The following ZNF652 variants were observed in gnomAD, a reference collection of about 807,000 sequenced individuals.
ZNF652 encodes zinc finger protein 652.
In ZNF652, 16 loss-of-function variants were observed where a neutral mutation model predicts 45.2. The ratio of observed to expected loss-of-function variants is 0.35; its 90% CI spans 0.24 to 0.54. The LOEUF is 0.54. Among genes scored for constraint, ZNF652 ranks in the 20% least tolerant of loss-of-function variants. ZNF652 has a pLI of 0.91. For missense variants in ZNF652, 614 were observed against 765.6 expected (o/e 0.80, Z 2.34); for synonymous variants, 250 against 260.6 (o/e 0.96, Z 0.39).
intron 1 of ZNF652, among the ~76,000 whole-genome samples, chr17:49,338,770 A>G (rs2143872671): frequency 6.6e-6 from 1 of 152,328 alleles, no homozygotes; most frequent in Non-Finnish European, 1.5e-5. Context: ...GAGACAGGAT[A>G]AACAGAAAAG....
chr17:49,317,753 T>C lies in ZNF652; in HGVS notation c.-28A>G, dbSNP rs1275554988. 1 of 1,521,374 alleles carries C rather than the reference T, an allele frequency of 6.6e-7. No individual in the cohort carries two copies. Among genetic ancestry groups the C allele is most frequent in the Admixed American group, 2.2e-5 (1 of 45,978 alleles). The allele number at this position is 1,521,374 out of a possible 1,614,324, so 94.2% of individuals were successfully genotyped here. A position where few individuals can be genotyped will look rare whatever the true frequency, so the allele number is the denominator to read the frequency against. On this transcript the variant is annotated 5_prime_UTR_variant, in exon 2 of 6. Coordinates refer to ENST00000430262, the MANE Select transcript of ZNF652 (RefSeq NM_001145365.3). ...GTAAGTGGCCCAATTTATTAAACAG[T>C]TCAGACTATAAAGAAATAGCTTTAA...
In ZNF652 at chr17:49,291,808, A is replaced by C. The variant is rs1337055616; in HGVS notation, c.*6605T>G. 1 of 152,254 alleles carries C rather than the reference A, an allele frequency of 6.6e-6. No individual in the cohort carries two copies. Among genetic ancestry groups the C allele is most frequent in the Non-Finnish European group, 1.5e-5 (1 of 68,044 alleles). The allele number at this position is 152,254 out of a possible 1,614,324, so 9.4% of individuals were successfully genotyped here. ...GAAACATCATGGCAAATCAAGTGAA[A>C]GGTAATTAACACAACAAGAAACCCG... On this transcript the variant is annotated 3_prime_UTR_variant, in exon 6 of 6. Coordinates refer to ENST00000430262, the MANE Select transcript of ZNF652 (RefSeq NM_001145365.3).
chr17:49,339,197 A>ATTTTTTTTTTTTTTTTTTTTTTTTTTTTT (rs34574898), intron 1 of ZNF652, among the ~76,000 whole-genome samples: 2 of 119,538 alleles, frequency 1.7e-5, no homozygotes, highest in Non-Finnish European at 3.3e-5. Context: ...GAGTTAGGAA[A>ATTTTTTTTTTTTTTTTTTTTTTTTTTTTT]TTTTTTTTTT....
chr17:49,306,420 G>T (rs71379354), intron 5 of ZNF652, among the ~76,000 whole-genome samples: 2,235 of 152,196 alleles, frequency 0.015, 62 homozygotes, highest in African/African-American at 0.05. Flanking sequence ...CAATTATAAA[G>T]GGCTGGACAA....
At chr17:49,342,096 G>A in intron 1 of ZNF652, among the ~76,000 whole-genome samples, 1 of 151,868 alleles carries the variant, frequency 6.6e-6, no homozygotes, top group East Asian at 1.9e-4. Context: ...TGAGGCAGGA[G>A]AATCGCTTTA....
intron 5 of ZNF652, among the ~76,000 whole-genome samples, chr17:49,308,363 G>C (rs1408303822): frequency 6.6e-6 from 1 of 152,162 alleles, no homozygotes; most frequent in Non-Finnish European, 1.5e-5. Flanking sequence ...TTTTTGCAGA[G>C]ATGGGGTTTT....
chr17:49,350,882 A>C (rs897018824), intron 1 of ZNF652, among the ~76,000 whole-genome samples: 2 of 150,086 alleles, frequency 1.3e-5, no homozygotes, highest in African/African-American at 4.9e-5. Flanking sequence ...GGGTAGGAGA[A>C]TTGCTTGAAC....
chr17:49,343,380 CACAG>C (rs890786496), intron 1 of ZNF652, among the ~76,000 whole-genome samples: 3 of 152,130 alleles, frequency 2.0e-5, no homozygotes, highest in African/African-American at 7.2e-5. Flanking sequence ...CCTTACACAC[CACAG>C]ACATTTACAT....
chr17:49,324,232 A>G (rs1598300659), intron 1 of ZNF652, among the ~76,000 whole-genome samples: 1 of 152,134 alleles, frequency 6.6e-6, no homozygotes, highest in African/African-American at 2.4e-5. Context: ...CTGGCTTCCA[A>G]CTTTTCTTCT....
At chr17:49,309,327 AC>A (rs1354010810) in intron 5 of ZNF652, among the ~76,000 whole-genome samples, 2 of 77,992 alleles carry the variant, frequency 2.6e-5, no homozygotes, top group Non-Finnish European at 4.6e-5. Context: ...CCCTGTCTCT[AC>A]TAAAAAAAAA....
intron 1 of ZNF652, among the ~76,000 whole-genome samples, chr17:49,322,668 G>C (rs1219975719): frequency 6.6e-6 from 1 of 152,110 alleles, no homozygotes; most frequent in South Asian, 2.1e-4. Context: ...GGCAGATCAC[G>C]AGGTCAGGAG....
rs781296980 is a variant in ZNF652 at position 49,291,216 on chromosome 17, T to C, written c.*7197A>G. 21 of 152,240 alleles carry C rather than the reference T, an allele frequency of 1.4e-4. No individual in the cohort carries two copies. Among genetic ancestry groups the C allele is most frequent in the Non-Finnish European group, 2.4e-4 (16 of 68,042 alleles). 9.4% of individuals were successfully genotyped at this position (152,240 alleles called of 1,614,324 possible). A position where few individuals can be genotyped will look rare whatever the true frequency, so the allele number is the denominator to read the frequency against. On this transcript the variant is annotated 3_prime_UTR_variant, in exon 6 of 6. Coordinates refer to ENST00000430262, the MANE Select transcript of ZNF652 (RefSeq NM_001145365.3). ...AATGCAATGAAACAGTCTTGAGTCC[T>C]GTACAGGATGTCTATCATGCTCATC...
chr17:49,329,355 T>C (rs1025888930), intron 1 of ZNF652, among the ~76,000 whole-genome samples: 8 of 152,254 alleles, frequency 5.3e-5, no homozygotes, highest in Non-Finnish European at 1.2e-4. Context: ...AAGGGTTTTG[T>C]TATTACAGTA....
intron 1 of ZNF652, among the ~76,000 whole-genome samples, chr17:49,332,764 G>A (rs935151903): frequency 6.6e-6 from 1 of 152,188 alleles, no homozygotes; most frequent in Non-Finnish European, 1.5e-5. Flanking sequence ...ACAGGTGTGA[G>A]CTGCTGCACC....
chr17:49,313,026 C>T (rs2069739021), intron 2 of ZNF652, among the ~76,000 whole-genome samples, 181 bp from the exon 3 acceptor site: 1 of 152,172 alleles, frequency 6.6e-6, no homozygotes, highest in African/African-American at 2.4e-5. Flanking sequence ...TTCTAAGATG[C>T]ATCTTTTAGA....
chr17:49,351,375 T>C (rs2070281391), intron 1 of ZNF652, among the ~76,000 whole-genome samples: 1 of 151,922 alleles, frequency 6.6e-6, no homozygotes, highest in Admixed American at 6.6e-5. Context: ...ATGGTAAGTA[T>C]AAAAAAAGTG....
At chr17:49,312,962 G>T in intron 2 of ZNF652, 117 bp from the exon 3 acceptor site, 2 of 980,260 alleles carry the variant, frequency 2.0e-6, no homozygotes, top group Non-Finnish European at 1.5e-6. Flanking sequence ...ATCCAGATAA[G>T]TGCTATTCTT....
intron 1 of ZNF652, among the ~76,000 whole-genome samples, chr17:49,319,031 A>G (rs2069850654): frequency 1.3e-5 from 2 of 152,184 alleles, no homozygotes; most frequent in Admixed American, 6.5e-5. Context: ...CTAAATTCTA[A>G]GAAACCATAA....
At position 49,328,625 on chromosome 17, in the gene ZNF652, C is replaced by A. The variant is rs543062859; in HGVS notation, c.-258-10642G>T. Among the ~76,000 whole-genome samples, 4 of 152,256 alleles carry A rather than the reference C, an allele frequency of 2.6e-5. No individual in the cohort carries two copies. The South Asian group carries it at 8.3e-4, about 32-fold the overall frequency. On this transcript the variant is annotated intron_variant, in intron 1 of 5. Transcript: ENST00000430262. ...TTCCCCAATCTCTATCTCTTGCTTG[C>A]TCTTTCACCATGTGATACACCTGCT...
Sources: allele counts gnomAD v4.1 joint callset (sites outside exome capture counted in the v4.1 genomes callset), GRCh38; gene constraint gnomAD v4.1.1; transcripts MANE v1.5; gene names NCBI Gene and HGNC (gene_info 2026-07-23, HGNC 2026-07-21).